The following PTPRR variants were observed in gnomAD, a reference collection of about 807,000 sequenced individuals.
The protein encoded by PTPRR is protein tyrosine phosphatase receptor type R, also known as receptor-type tyrosine-protein phosphatase R.
PTPRR carries 38 observed loss-of-function variants against 77.2 expected under a neutral mutation model. That is an observed-to-expected ratio of 0.49 (90% CI 0.38 to 0.65). The LOEUF is 0.65. PTPRR is among the 30% of genes least tolerant of loss of function. The pLI is 0.00. For synonymous variants in PTPRR, 299 were observed against 283.1 expected (o/e 1.06, Z -0.57); for missense variants, 744 against 799.2 (o/e 0.93, Z 0.83).
At chr12:70,826,498 A>G (rs908462035) in intron 2 of PTPRR, among the ~76,000 whole-genome samples, 1 of 152,188 alleles carries the variant, frequency 6.6e-6, no homozygotes, top group African/African-American at 2.4e-5. Context: ...AACACTTGCT[A>G]TAAATCATAT....
At chr12:70,736,741 A>G (rs2136902839) in intron 6 of PTPRR, among the ~76,000 whole-genome samples, 1 of 152,358 alleles carries the variant, frequency 6.6e-6, no homozygotes, top group South Asian at 2.1e-4. Flanking sequence ...TTTTATGTTT[A>G]TAAGCCCTCA....
At chr12:70,849,268 A>G (rs932493825) in intron 2 of PTPRR, among the ~76,000 whole-genome samples, 9 of 152,352 alleles carry the variant, frequency 5.9e-5, no homozygotes, top group African/African-American at 2.2e-4. Context: ...TCCAACAGGC[A>G]CAGCTGACCA....
intron 2 of PTPRR, among the ~76,000 whole-genome samples, chr12:70,891,370 G>A (rs372427415): frequency 2.6e-5 from 4 of 152,160 alleles, no homozygotes; most frequent in East Asian, 1.9e-4. Context: ...ATGAGCCCTA[G>A]CATTAACAGG....
Position 70,662,541 on chromosome 12 carries a change from C to T in PTPRR, c.1562G>A (p.Ser521Asn), listed in dbSNP as rs765515412. The change falls in exon 11 of 14, where the codon AGT (serine) becomes AAT (asparagine). Residue 521 changes from serine (S) to asparagine (N), a missense_variant. Around this residue, in one of 3 missense-constraint regions of PTPRR, gnomAD observed 170 missense variants for 209.8 expected, o/e 0.81. Coordinates refer to ENST00000283228, the MANE Select transcript of PTPRR (RefSeq NM_002849.4). ...GGTGTAGTTATCACATTCATTTACACTGATAACCAGAACCTCAACTTTTCC... is the reference window on the plus strand; with the variant it reads ...GGTGTAGTTATCACATTCATTTACATTGATAACCAGAACCTCAACTTTTCC... The part of the protein sequence containing the change: ...IYGKVEVLVI[S>N]VNECDNYTIR... 6.2e-7 allele frequency: 1 copy of T among 1,612,580 alleles called. No homozygotes were observed. Among genetic ancestry groups the T allele is most frequent in the Non-Finnish European group, 8.5e-7 (1 of 1,178,988 alleles).
chr12:70,730,081 A>C (rs1269298089), intron 6 of PTPRR, among the ~76,000 whole-genome samples: 1 of 152,236 alleles, frequency 6.6e-6, no homozygotes, highest in Non-Finnish European at 1.5e-5. Context: ...CCCTGCCCAC[A>C]CTAGATTTCA....
chr12:70,760,346 G>A (rs1270795571), intron 4 of PTPRR, among the ~76,000 whole-genome samples: 3 of 152,200 alleles, frequency 2.0e-5, no homozygotes, highest in African/African-American at 7.2e-5. Context: ...CCATCTGGGT[G>A]CAAGTGATCC....
At chr12:70,734,486 G>C (rs566735352) in intron 6 of PTPRR, among the ~76,000 whole-genome samples, 1 of 152,264 alleles carries the variant, frequency 6.6e-6, no homozygotes, top group South Asian at 2.1e-4. Context: ...GGGGTTGCAG[G>C]CTAATGGATG....
rs188500215 is a variant in PTPRR at position 70,890,228 on chromosome 12, G to A, written c.357+2451C>T. 1.8e-3 allele frequency among the ~76,000 whole-genome samples: 274 copies of A among 152,210 alleles called. 1 individual carries two copies. Among genetic ancestry groups the A allele is most frequent in the African/African-American group, 6.4e-3 (265 of 41,528 alleles). On this transcript the variant is annotated intron_variant, in intron 2 of 13. Transcript: ENST00000283228. ...TACTTGCACAGAAATCCTAATAACAGCTTCTTAATTGAGTTCCGGAACATA... is the reference window on the plus strand; with the variant it reads ...TACTTGCACAGAAATCCTAATAACAACTTCTTAATTGAGTTCCGGAACATA...
intron 2 of PTPRR, 106 bp downstream of exon 2, chr12:70,892,573 T>C (rs546403719): frequency 1.5e-6 from 2 of 1,302,684 alleles, no homozygotes; most frequent in East Asian, 4.6e-5. Flanking sequence ...ACATACCCGT[T>C]GGGATTCATT....
intron 13 of PTPRR, among the ~76,000 whole-genome samples, chr12:70,643,215 C>T (rs1219091038): frequency 1.3e-5 from 2 of 152,154 alleles, no homozygotes; most frequent in Non-Finnish European, 2.9e-5. Context: ...CTCACTGCAG[C>T]CTTGGCCTCC....
At chr12:70,682,235 G>T (rs1307659330) in intron 10 of PTPRR, among the ~76,000 whole-genome samples, 1 of 151,040 alleles carries the variant, frequency 6.6e-6, no homozygotes, top group Non-Finnish European at 1.5e-5. Context: ...AGTAGAGACG[G>T]GGTTTCACCG....
intron 1 of PTPRR, among the ~76,000 whole-genome samples, chr12:70,910,340 T>G (rs1262620142): frequency 6.6e-6 from 1 of 152,220 alleles, no homozygotes; most frequent in African/African-American, 2.4e-5. Flanking sequence ...TTTATTGTAC[T>G]ACATGAGTTA....
intron 4 of PTPRR, among the ~76,000 whole-genome samples, chr12:70,759,092 G>A (rs1046882494): frequency 1.3e-5 from 2 of 152,040 alleles, no homozygotes; most frequent in Admixed American, 1.3e-4. Flanking sequence ...ACACCACCAT[G>A]CCCAGCTAAT....
intron 8 of PTPRR, among the ~76,000 whole-genome samples, chr12:70,685,971 G>A (rs894843701): frequency 1.1e-4 from 16 of 152,224 alleles, no homozygotes; most frequent in African/African-American, 3.9e-4. Context: ...GGTACCATTA[G>A]CCACTACGCT....
At chr12:70,665,418 ATCAC>A (rs1886954490) in intron 10 of PTPRR, among the ~76,000 whole-genome samples, 1 of 96,458 alleles carries the variant, frequency 1.0e-5, no homozygotes, top group South Asian at 3.5e-4. Context: ...GTCTCATTCT[ATCAC>A]TCAGGTTGGA....
At chr12:70,705,927 T>C (rs767284784) in intron 6 of PTPRR, among the ~76,000 whole-genome samples, 12 of 152,030 alleles carry the variant, frequency 7.9e-5, no homozygotes, top group Non-Finnish European at 1.5e-4. Flanking sequence ...CTTGGCTTGA[T>C]CATAAAAGGT....
At chr12:70,848,466 C>T (rs539124612) in intron 2 of PTPRR, among the ~76,000 whole-genome samples, 3 of 152,058 alleles carry the variant, frequency 2.0e-5, no homozygotes, top group Admixed American at 1.3e-4. Flanking sequence ...AGGTGCATGC[C>T]ACCATGCCCA....
chr12:70,903,355 AC>A (rs1181551041), intron 1 of PTPRR, among the ~76,000 whole-genome samples: 1 of 151,808 alleles, frequency 6.6e-6, no homozygotes, highest in African/African-American at 2.4e-5. Flanking sequence ...ATCACATTTT[AC>A]CCCATACATA....
At chr12:70,725,953 C>A (rs1350987248) in intron 6 of PTPRR, among the ~76,000 whole-genome samples, 5 of 152,004 alleles carry the variant, frequency 3.3e-5, no homozygotes, top group Non-Finnish European at 7.4e-5. Context: ...GCCTGTTGAA[C>A]CCTAAATAGT....
Sources: gnomAD v4.1 joint callset for allele counts (sites outside exome capture counted in the v4.1 genomes callset) on GRCh38, gnomAD v4.1.1 for gene constraint, gnomAD v4.1.1 regional missense constraint, MANE v1.5 for transcripts, NCBI Gene and HGNC (gene_info 2026-07-23, HGNC 2026-07-21) for gene names.